Variants in TTC27 observed in about 807,000 individuals in gnomAD.
The protein encoded by TTC27 is tetratricopeptide repeat domain 27, also known as tetratricopeptide repeat protein 27.
Under a neutral mutation model 115.9 loss-of-function variants are expected in TTC27, and 79 were observed. The ratio of observed to expected loss-of-function variants is 0.68; its 90% CI spans 0.57 to 0.82. The LOEUF (loss-of-function observed/expected upper bound fraction) is 0.82. Among genes scored for constraint, TTC27 ranks in the 40% least tolerant of loss-of-function variants. TTC27 has a pLI of 0.00. For missense variants in TTC27, 1,054 were observed against 993.1 expected (o/e 1.06, Z -0.82); for synonymous variants, 401 against 356.0 (o/e 1.13, Z -1.42).
Position 32,630,591 on chromosome 2 carries a change from C to T in TTC27, c.157C>T (p.Gln53Ter). The T allele has an allele frequency of 6.2e-7, 1 of 1,613,334 alleles. No individual in the cohort carries two copies. The highest frequency in any genetic ancestry group is 8.5e-7 in the Non-Finnish European group (1 of 1,179,628). The change falls in exon 2 of 20, where the codon CAA becomes TAA. Residue 53 changes from glutamine to a stop codon, truncating the protein, a stop_gained. Transcript: ENST00000317907. LOFTEE classifies it high-confidence loss of function. ...YEAIFLNSMT[Q>*]NIFNSTTTAE... is the part of the protein sequence containing the mutation. ...AGCCATATTCTTAAATTCAATGACT[C>T]AAAATATTTTTAATTCAACAACAAC...
chr2:32,754,938 A>T (rs1669164127), intron 12 of TTC27, among the ~76,000 whole-genome samples: 1 of 150,392 alleles, frequency 6.6e-6, no homozygotes, highest in Non-Finnish European at 1.5e-5. Context: ...CTCACTTCCC[A>T]GACGGGGCGG....
chr2:32,818,964 A>C (rs1204674681), intron 19 of TTC27, among the ~76,000 whole-genome samples: 1 of 152,084 alleles, frequency 6.6e-6, no homozygotes, highest in Non-Finnish European at 1.5e-5. Flanking sequence ...CACAACTTCA[A>C]AATTGTGTCT....
At chr2:32,779,075 T>G (rs1163121557) in intron 14 of TTC27, among the ~76,000 whole-genome samples, 1 of 152,094 alleles carries the variant, frequency 6.6e-6, no homozygotes. Context: ...AATATAAAAA[T>G]TAGCTGGGCG....
chr2:32,668,240 T>A (rs1249793932), intron 7 of TTC27, among the ~76,000 whole-genome samples: 1 of 151,290 alleles, frequency 6.6e-6, no homozygotes, highest in Non-Finnish European at 1.5e-5. Context: ...TGTGGTGGTG[T>A]GTGCCTGTAA....
At position 32,777,341 on chromosome 2, in the gene TTC27, A is replaced by G. The variant is rs140829466; in HGVS notation, c.1681-541A>G. Among the ~76,000 whole-genome samples the G allele has an allele frequency of 4.4e-3, 665 of 152,372 alleles. 8 individuals carry two copies. Among genetic ancestry groups the G allele is most frequent in the African/African-American group, 0.015 (643 of 41,590 alleles). On this transcript the variant is annotated intron_variant, in intron 13 of 19. Coordinates refer to ENST00000317907, the MANE Select transcript of TTC27 (RefSeq NM_017735.5). ...CCAGGCGTCACCGCCCCCAACCCCA[A>G]TACCAAAATCCATGATGCTCAAGTC...
intron 13 of TTC27, among the ~76,000 whole-genome samples, chr2:32,767,339 A>G (rs1669663422): frequency 2.0e-5 from 3 of 152,320 alleles, no homozygotes; most frequent in South Asian, 2.1e-4. Context: ...TACAAAAATC[A>G]TAAATAGAGA....
At chr2:32,729,398 A>C (rs754318201) in intron 10 of TTC27, among the ~76,000 whole-genome samples, 2 of 152,180 alleles carry the variant, frequency 1.3e-5, no homozygotes, top group Non-Finnish European at 2.9e-5. Flanking sequence ...GAGAGGGGAC[A>C]TCATTGCTTT....
chr2:32,636,601 T>A (rs1189097313), intron 3 of TTC27, among the ~76,000 whole-genome samples: 1 of 152,208 alleles, frequency 6.6e-6, no homozygotes, highest in Non-Finnish European at 1.5e-5. Context: ...GGTAAAAGAA[T>A]CTTGTCAGAG....
chr2:32,695,191 T>C (rs1420711268), intron 9 of TTC27, among the ~76,000 whole-genome samples: 1 of 152,132 alleles, frequency 6.6e-6, no homozygotes, highest in African/African-American at 2.4e-5. Context: ...ATAACTCCCT[T>C]TCTCCCCTCC....
At position 32,650,167 on chromosome 2, in the gene TTC27, C is replaced by T; in HGVS notation, c.574C>T (p.His192Tyr). Reference sequence around the variant, plus strand: ...GTGGACTTTGAGATGTGTGAATATTCATCAGCATTTGCTTGAGGAACGCTC... The same window carrying T: ...GTGGACTTTGAGATGTGTGAATATTTATCAGCATTTGCTTGAGGAACGCTC... Reference protein sequence around the residue: ...PWWTLRCVNIHQHLLEERSPL... With the variant: ...PWWTLRCVNIYQHLLEERSPL... The change falls in exon 5 of 20, where the codon CAT (histidine) becomes TAT (tyrosine). Residue 192 changes from histidine to tyrosine, a missense_variant. Transcript: ENST00000317907. The T allele has an allele frequency of 6.2e-7, 1 of 1,613,824 alleles. No individual in the cohort carries two copies. Among genetic ancestry groups the T allele is most frequent in the Non-Finnish European group, 8.5e-7 (1 of 1,179,852 alleles).
intron 10 of TTC27, among the ~76,000 whole-genome samples, chr2:32,714,866 G>C (rs1244032365): frequency 1.3e-5 from 2 of 152,018 alleles, no homozygotes; most frequent in African/African-American, 2.4e-5. Context: ...TCATATGCTT[G>C]TTGGCTGTGC....
At chr2:32,718,170 AC>A (rs1667812926) in intron 10 of TTC27, among the ~76,000 whole-genome samples, 1 of 152,306 alleles carries the variant, frequency 6.6e-6, no homozygotes, top group South Asian at 2.1e-4. Flanking sequence ...AATTAATTAT[AC>A]TTTTTTCTTC....
chr2:32,756,989 C>T (rs1434942115), intron 12 of TTC27, among the ~76,000 whole-genome samples: 2 of 152,048 alleles, frequency 1.3e-5, no homozygotes, highest in African/African-American at 2.4e-5. Context: ...GAGAATAATG[C>T]CGAAGTCTGT....
intron 9 of TTC27, among the ~76,000 whole-genome samples, chr2:32,690,473 A>G (rs926187227): frequency 4.6e-5 from 7 of 152,202 alleles, no homozygotes; most frequent in African/African-American, 1.4e-4. Context: ...GATAGCACAG[A>G]TAAAGATATC....
intron 16 of TTC27, among the ~76,000 whole-genome samples, chr2:32,806,722 A>G (rs1020791565): frequency 2.0e-5 from 3 of 152,110 alleles, no homozygotes; most frequent in Admixed American, 2.0e-4. Context: ...CAGAGGTTGC[A>G]GTGAGCCAAG....
intron 10 of TTC27, among the ~76,000 whole-genome samples, chr2:32,731,667 A>G (rs1045838772): frequency 5.3e-5 from 8 of 152,002 alleles, no homozygotes; most frequent in African/African-American, 1.9e-4. Flanking sequence ...CCCAACCTAG[A>G]GTTCTGTTTT....
At chr2:32,738,099 T>G (rs1466046822) in intron 12 of TTC27, among the ~76,000 whole-genome samples, 1 of 152,150 alleles carries the variant, frequency 6.6e-6, no homozygotes, top group African/African-American at 2.4e-5. Context: ...CTTTTGTAAA[T>G]GAGGAAAGGT....
chr2:32,768,875 G>A (rs1028576539), intron 13 of TTC27, among the ~76,000 whole-genome samples: 4 of 152,196 alleles, frequency 2.6e-5, no homozygotes, highest in Admixed American at 6.5e-5. Context: ...AAAGGAAAAT[G>A]TCTCTATTGA....
At chr2:32,638,586 C>T (rs1664516790) in intron 3 of TTC27, among the ~76,000 whole-genome samples, 1 of 152,004 alleles carries the variant, frequency 6.6e-6, no homozygotes, top group African/African-American at 2.4e-5. Flanking sequence ...ACCATGTTGG[C>T]CAGGCTGTTC....
Sources: allele counts gnomAD v4.1 joint callset (sites outside exome capture counted in the v4.1 genomes callset), GRCh38; gene constraint gnomAD v4.1.1; transcripts MANE v1.5; gene names NCBI Gene and HGNC (gene_info 2026-07-23, HGNC 2026-07-21).